The following MTMR12 variants were observed in gnomAD, a reference collection of about 807,000 sequenced individuals.
MTMR12 encodes myotubularin related protein 12.
In MTMR12, 33 loss-of-function variants were observed where a neutral mutation model predicts 96.7. The observed-to-expected ratio is 0.34, with a 90% CI of 0.26 to 0.46. MTMR12 has a LOEUF of 0.46. Ranked by LOEUF, MTMR12 falls within the 20% of genes least tolerant of loss-of-function variation. The pLI is 1.00. For missense variants in MTMR12, 721 were observed against 896.1 expected, an observed-to-expected ratio of 0.80 and a Z score of 2.49; for synonymous variants, 298 against 327.2, an observed-to-expected ratio of 0.91 and a Z score of 0.96.
chr5:32,255,564 G>T, intron 8 of MTMR12, 129 bp downstream of exon 8: 1 of 833,752 alleles, frequency 1.2e-6, no homozygotes, highest in Non-Finnish European at 1.8e-6. Context: ...GAGTCCCTAA[G>T]ATATTTCTGG....
chr5:32,262,463 T>C (rs1002186726), intron 7 of MTMR12, among the ~76,000 whole-genome samples: 5 of 151,780 alleles, frequency 3.3e-5, no homozygotes. Context: ...TAGACAGGCA[T>C]GGTGGTGCAC....
rs1332483977 is a variant in MTMR12, at chr5:32,276,666, C to T, written c.142+16G>A. ...TTTGCCTTGCATAGGAGTTACTATGCTAACATGACAGTTACCTGGCAACAA... is the reference window on the plus strand; with the variant it reads ...TTTGCCTTGCATAGGAGTTACTATGTTAACATGACAGTTACCTGGCAACAA... On this transcript the variant is annotated intron_variant, in intron 2 of 15. Transcript: ENST00000382142. 6.2e-7 allele frequency: 1 copy of T among 1,609,436 alleles called. No homozygotes were observed.
At chr5:32,285,137 C>A (rs1021621640) in intron 1 of MTMR12, among the ~76,000 whole-genome samples, 8 of 152,016 alleles carry the variant, frequency 5.3e-5, no homozygotes, top group African/African-American at 1.9e-4. Flanking sequence ...GTAGGTGGAT[C>A]ACTTGAGGTC....
At chr5:32,235,324 C>T (rs769831536) in intron 13 of MTMR12, among the ~76,000 whole-genome samples, 195 bp from the exon 14 acceptor site, 1 of 152,142 alleles carries the variant, frequency 6.6e-6, no homozygotes, top group Non-Finnish European at 1.5e-5. Context: ...ATTTACATGC[C>T]TATCTGTGTC....
intron 1 of MTMR12, among the ~76,000 whole-genome samples, chr5:32,285,751 G>A (rs1464884438): frequency 6.6e-6 from 1 of 152,146 alleles, no homozygotes; most frequent in Non-Finnish European, 1.5e-5. Context: ...GACAAGAGAT[G>A]AGAATTTGAG....
chr5:32,240,864 A>T (rs1748440205), intron 12 of MTMR12, among the ~76,000 whole-genome samples: 1 of 152,106 alleles, frequency 6.6e-6, no homozygotes, highest in Non-Finnish European at 1.5e-5. Context: ...GCCTCCCAAA[A>T]TTCTGGGATT....
chr5:32,248,754 T>C lies in MTMR12; in HGVS notation c.896+18A>G, dbSNP rs753621411. The C allele has an allele frequency of 3.7e-5, 59 of 1,592,062 alleles. No homozygotes were observed. Among genetic ancestry groups the C allele is most frequent in the Non-Finnish European group, 4.8e-5 (56 of 1,160,108 alleles). ...AAACAAGAACTGAACAAGAACAAAATGTAGAACTAGTACTGACCCATCTAA... is the reference window on the plus strand; with the variant it reads ...AAACAAGAACTGAACAAGAACAAAACGTAGAACTAGTACTGACCCATCTAA... On this transcript the variant is annotated intron_variant, in intron 9 of 15. Transcript: ENST00000382142.
chr5:32,249,121 TATC>T (rs1394490750), intron 8 of MTMR12, among the ~76,000 whole-genome samples: 3 of 152,244 alleles, frequency 2.0e-5, no homozygotes, highest in Non-Finnish European at 4.4e-5. Context: ...CCTTTTGACT[TATC>T]ATCAGCTGGT....
rs763891436 is a variant in MTMR12, at chr5:32,229,733, TC to T, written c.*44del. The T allele has an allele frequency of 2.0e-6, 3 of 1,481,126 alleles. 1 individual carries two copies. The South Asian group carries it at 4.4e-5, about 22-fold the overall frequency. 91.7% of individuals were successfully genotyped at this position (1,481,126 alleles called of 1,614,324 possible). The stretch of plus-strand genomic sequence containing the variant: ...GTGACACAAATCCAGGGATCAGCTG[TC>T]CCAATCTCCCACATTCCTCTTTCAC... On this transcript the variant is annotated 3_prime_UTR_variant, in exon 16 of 16. Coordinates refer to ENST00000382142, the MANE Select transcript of MTMR12 (RefSeq NM_001040446.3).
chr5:32,298,539 CTG>C (rs979537683), intron 1 of MTMR12, among the ~76,000 whole-genome samples: 9 of 152,094 alleles, frequency 5.9e-5, no homozygotes, highest in African/African-American at 2.2e-4. Flanking sequence ...AAAAAGAAAA[CTG>C]TGCAGGAAGG....
chr5:32,273,273 C>T (rs529376923), intron 3 of MTMR12, among the ~76,000 whole-genome samples: 86 of 152,278 alleles, frequency 5.6e-4, no homozygotes, highest in Non-Finnish European at 9.0e-4. Context: ...GAATGTCACA[C>T]GCCTATGGTC....
intron 1 of MTMR12, among the ~76,000 whole-genome samples, chr5:32,284,029 C>T (rs1213854336): frequency 8.5e-5 from 13 of 152,130 alleles, no homozygotes; most frequent in African/African-American, 3.1e-4. Flanking sequence ...TGGCCAGGCG[C>T]GGTGGCTTAT....
At chr5:32,237,556 G>C (rs1304501288) in intron 13 of MTMR12, among the ~76,000 whole-genome samples, 1 of 152,016 alleles carries the variant, frequency 6.6e-6, no homozygotes, top group Non-Finnish European at 1.5e-5. Context: ...TGTCACCCAG[G>C]CTGGAATGCA....
At chr5:32,246,216 G>A (rs542158567) in intron 10 of MTMR12, among the ~76,000 whole-genome samples, 13 of 141,300 alleles carry the variant, frequency 9.2e-5, no homozygotes, top group Non-Finnish European at 1.5e-4. Flanking sequence ...ACCCAAGCTG[G>A]AGAGCAGTAG....
chr5:32,306,741 T>A (rs947040300), intron 1 of MTMR12, among the ~76,000 whole-genome samples: 59 of 152,280 alleles, frequency 3.9e-4, no homozygotes, highest in Admixed American at 9.2e-4. Context: ...GATATTAAAC[T>A]TTACAGGGCC....
At chr5:32,290,588 A>C (rs915534504) in intron 1 of MTMR12, among the ~76,000 whole-genome samples, 3 of 152,128 alleles carry the variant, frequency 2.0e-5, no homozygotes, top group African/African-American at 7.2e-5. Context: ...TGAGTGTGTT[A>C]CTCCAGCCCA....
chr5:32,285,046 G>T (rs1305028720), intron 1 of MTMR12, among the ~76,000 whole-genome samples: 1 of 152,084 alleles, frequency 6.6e-6, no homozygotes, highest in Non-Finnish European at 1.5e-5. Context: ...TATCTCAGTG[G>T]GGCTTAAATT....
intron 8 of MTMR12, among the ~76,000 whole-genome samples, chr5:32,251,344 T>C (rs1259670731): frequency 6.6e-6 from 1 of 152,176 alleles, no homozygotes; most frequent in Non-Finnish European, 1.5e-5. Flanking sequence ...AGAGCTTTAA[T>C]AGAACATCTA....
chr5:32,270,792 C>A, intron 5 of MTMR12, 25 bp downstream of exon 5: 1 of 1,584,272 alleles, frequency 6.3e-7, no homozygotes, highest in Admixed American at 1.8e-5. Flanking sequence ...GGAAATAAAA[C>A]CTAAAAACAC....
Sources: gnomAD v4.1 joint callset for allele counts (sites outside exome capture counted in the v4.1 genomes callset) on GRCh38, gnomAD v4.1.1 for gene constraint, MANE v1.5 for transcripts, NCBI Gene and HGNC (gene_info 2026-07-23, HGNC 2026-07-21) for gene names.